Variants in ZBTB16 observed in about 807,000 individuals in gnomAD.
ZBTB16 encodes the protein zinc finger and BTB domain-containing protein 16.
In ZBTB16, 8 loss-of-function variants were observed where a neutral mutation model predicts 56.8. The ratio of observed to expected loss-of-function variants is 0.14; its 90% CI spans 0.08 to 0.25. The LOEUF is 0.25. Among genes scored for constraint, ZBTB16 ranks in the 10% least tolerant of loss-of-function variants. ZBTB16 has a pLI of 1.00. For synonymous variants in ZBTB16, 363 were observed against 368.5 expected (o/e 0.98, Z 0.17); for missense variants, 625 against 903.0 (o/e 0.69, Z 3.95).
chr11:114,110,217 C>T (rs1940953705), intron 2 of ZBTB16, among the ~76,000 whole-genome samples: 1 of 152,038 alleles, frequency 6.6e-6, no homozygotes, highest in Admixed American at 6.6e-5. Context: ...ATGAAGGGCT[C>T]AGACTTTCTT....
intron 2 of ZBTB16, among the ~76,000 whole-genome samples, chr11:114,154,649 A>C (rs1401556988): frequency 6.6e-6 from 1 of 152,190 alleles, no homozygotes; most frequent in Non-Finnish European, 1.5e-5. Context: ...TGTACTGTTA[A>C]TATTTCTCAA....
chr11:114,064,731 GT>G lies in ZBTB16; in HGVS notation c.1268+169del, dbSNP rs555262923. ...AAAGTTCTGGCGGGGAGGGGAGCAG[GT>G]TTTTTAAAGTGTAGTGAGGGGGCCT... On this transcript the variant is annotated intron_variant, in intron 2 of 6. Coordinates refer to ENST00000335953, the MANE Select transcript of ZBTB16 (RefSeq NM_006006.6). This position sits in a 1 kb window ranked among gnomAD's most constrained non-coding sequence, Gnocchi z 4.2. Among the ~76,000 whole-genome samples, 51 of 152,294 alleles carry G rather than the reference GT, an allele frequency of 3.3e-4. No homozygotes were observed. The highest frequency in any genetic ancestry group is 3.4e-3 in the Middle Eastern group (1 of 294).
At chr11:114,120,952 C>T (rs1228610832) in intron 2 of ZBTB16, among the ~76,000 whole-genome samples, 1 of 152,158 alleles carries the variant, frequency 6.6e-6, no homozygotes, top group African/African-American at 2.4e-5. Flanking sequence ...GATGGTGCCT[C>T]CTTGGGCAGC....
At chr11:114,176,958 T>C (rs1284981829) in intron 3 of ZBTB16, among the ~76,000 whole-genome samples, 1 of 152,170 alleles carries the variant, frequency 6.6e-6, no homozygotes, top group Non-Finnish European at 1.5e-5. Context: ...GAACATAGTG[T>C]CTCATTTATG....
chr11:114,064,504 A>T lies in ZBTB16; in HGVS notation c.1204A>T (p.Ile402Phe), dbSNP rs533096516. ...AVGMKSESRTIGEQCSVCGVE... is the reference protein window; with the variant it reads ...AVGMKSESRTFGEQCSVCGVE... ...GGGCATGAAGTCAGAGAGCCGGACCATCGGAGAGCAGTGCAGCGTGTGTGG... is the reference window on the plus strand; with the variant it reads ...GGGCATGAAGTCAGAGAGCCGGACCTTCGGAGAGCAGTGCAGCGTGTGTGG... The change falls in exon 2 of 7, where the codon ATC becomes TTC. Residue 402 changes from isoleucine to phenylalanine, a missense_variant. This residue lies in a region of ZBTB16 where 384 missense variants were observed against 393.5 expected (regional missense o/e 0.98). Transcript: ENST00000335953. This position sits in a 1 kb window ranked among gnomAD's most constrained non-coding sequence, Gnocchi z 4.2. 2.7e-5 allele frequency: 44 copies of T among 1,613,972 alleles called. No homozygotes were observed. The highest frequency in any genetic ancestry group is 3.2e-5 in the Non-Finnish European group (38 of 1,180,036).
At chr11:114,171,371 T>C (rs917718166) in intron 3 of ZBTB16, among the ~76,000 whole-genome samples, 4 of 152,148 alleles carry the variant, frequency 2.6e-5, no homozygotes, top group African/African-American at 9.7e-5. Flanking sequence ...TCCACCCCCA[T>C]CCAGAATCTC....
At chr11:114,148,424 C>CTCTCTGTCTGTCTCTGT (rs1565651805) in intron 2 of ZBTB16, among the ~76,000 whole-genome samples, 1 of 24,420 alleles carries the variant, frequency 4.1e-5, no homozygotes, top group Non-Finnish European at 8.6e-5. Context: ...TCCCTCCCTC[C>CTCTCTGTCTGTCTCTGT]CTCTCTCTCT....
chr11:114,176,636 C>T (rs559904334), intron 3 of ZBTB16, among the ~76,000 whole-genome samples: 2 of 152,316 alleles, frequency 1.3e-5, no homozygotes, highest in Admixed American at 6.5e-5. Context: ...CTCTCGTGTA[C>T]GGCCACGTTT....
chr11:114,069,710 T>G (rs560204791), intron 2 of ZBTB16, among the ~76,000 whole-genome samples: 1 of 152,186 alleles, frequency 6.6e-6, no homozygotes, highest in Non-Finnish European at 1.5e-5. Flanking sequence ...CAAACTAAAT[T>G]CTGTTTGGAA....
At chr11:114,241,462 G>C (rs1349332773) in intron 4 of ZBTB16, among the ~76,000 whole-genome samples, 23 of 152,176 alleles carry the variant, frequency 1.5e-4, no homozygotes. Flanking sequence ...ACAGGAGCAT[G>C]AACCCTATTG....
intron 2 of ZBTB16, among the ~76,000 whole-genome samples, chr11:114,123,101 A>G (rs1469216649): frequency 2.0e-5 from 3 of 152,072 alleles, no homozygotes; most frequent in African/African-American, 7.2e-5. Context: ...TCTTACAAGG[A>G]CACTATTCTG....
intron 2 of ZBTB16, among the ~76,000 whole-genome samples, chr11:114,105,107 GA>G: frequency 6.6e-6 from 1 of 152,296 alleles, no homozygotes; most frequent in East Asian, 1.9e-4. Context: ...GTACATTGAG[GA>G]AGTTCCTCCT....
intron 4 of ZBTB16, among the ~76,000 whole-genome samples, chr11:114,224,425 G>A (rs1010026692): frequency 4.6e-5 from 7 of 152,206 alleles, no homozygotes; most frequent in South Asian, 2.1e-4. Context: ...TATTGTTATC[G>A]TTAGGATACT....
chr11:114,233,371 A>G (rs993982972), intron 4 of ZBTB16, among the ~76,000 whole-genome samples: 27 of 151,952 alleles, frequency 1.8e-4, no homozygotes, highest in African/African-American at 6.5e-4. Flanking sequence ...GCTGGGAGGA[A>G]GGGAGGAGGA....
intron 3 of ZBTB16, among the ~76,000 whole-genome samples, chr11:114,177,864 G>A (rs758466127): frequency 2.0e-5 from 3 of 152,174 alleles, no homozygotes; most frequent in Non-Finnish European, 4.4e-5. Flanking sequence ...ACAGGCACAA[G>A]CTATTGCACC....
In ZBTB16 at chr11:114,063,720, C is replaced by G; in HGVS notation, c.420C>G (p.Gly140=). 6.2e-7 allele frequency: 1 copy of G among 1,613,952 alleles called. No homozygotes were observed. Among genetic ancestry groups the G allele is most frequent in the Admixed American group, 1.7e-5 (1 of 60,022 alleles). Residue 140 remains glycine, a synonymous_variant, in exon 2 of 7, where the codon GGC becomes GGG. Transcript: ENST00000335953. This position sits in a 1 kb window ranked among gnomAD's most constrained non-coding sequence, Gnocchi z 6.5. ...ACACGGAGGCCACCATGGCCGATGG[C>G]GGGGCCGAGGAAGAAGAGGACCGCA... ...DNDTEATMAD[G]GAEEEEDRKA...
rs1944913461 is a variant in ZBTB16, at chr11:114,251,278, C to A, written c.*723C>A. ...GCCCCTCAGGGACCTGGCGGTGTCT[C>A]CATCCTTCTCCGGTTCCCTAGTGGG... On this transcript the variant is annotated 3_prime_UTR_variant, in exon 7 of 7. Coordinates refer to ENST00000335953, the MANE Select transcript of ZBTB16 (RefSeq NM_006006.6). Among the ~76,000 whole-genome samples the A allele has an allele frequency of 6.6e-6, 1 of 152,114 alleles. No individual in the cohort carries two copies. The highest frequency in any genetic ancestry group is 2.4e-5 in the African/African-American group (1 of 41,418).
At chr11:114,183,047 G>A (rs185800631) in intron 3 of ZBTB16, among the ~76,000 whole-genome samples, 196 of 152,232 alleles carry the variant, frequency 1.3e-3, no homozygotes, top group African/African-American at 4.5e-3. Flanking sequence ...TGTCTCGCTC[G>A]GCTCCGCTCA....
intron 4 of ZBTB16, among the ~76,000 whole-genome samples, chr11:114,199,985 G>A (rs1013257602): frequency 1.3e-5 from 2 of 151,952 alleles, no homozygotes; most frequent in Admixed American, 6.6e-5. Flanking sequence ...AAAATTAGCC[G>A]GGCTTGGTGG....
Sources: allele counts gnomAD v4.1 joint callset (sites outside exome capture counted in the v4.1 genomes callset), GRCh38; gene constraint gnomAD v4.1.1; regional missense constraint gnomAD v4.1.1; non-coding constraint Gnocchi (gnomAD v3.1); transcripts MANE v1.5; gene names NCBI Gene and HGNC (gene_info 2026-07-23, HGNC 2026-07-21).